Variants in PHTF2 observed in about 807,000 individuals in gnomAD.
PHTF2 encodes the protein putative homeodomain transcription factor 2.
In PHTF2, 60 loss-of-function variants were observed where a neutral mutation model predicts 101.2. The ratio of observed to expected loss-of-function variants is 0.59; its 90% CI spans 0.48 to 0.73. PHTF2 has a LOEUF of 0.73. PHTF2 is among the 30% of genes least tolerant of loss of function. PHTF2 has a pLI of 0.00. For synonymous variants in PHTF2, 311 were observed against 307.3 expected, an observed-to-expected ratio of 1.01 and a Z score of -0.13; for missense variants, 747 against 908.7, an observed-to-expected ratio of 0.82 and a Z score of 2.29.
At chr7:77,935,936 C>T (rs1805086779) in intron 12 of PHTF2, among the ~76,000 whole-genome samples, 1 of 152,134 alleles carries the variant, frequency 6.6e-6, no homozygotes, top group Admixed American at 6.5e-5. Flanking sequence ...TATTTTGGTA[C>T]AGATTATTTC....
At chr7:77,954,367 C>T (rs1205380093) in intron 19 of PHTF2, among the ~76,000 whole-genome samples, 1 of 152,082 alleles carries the variant, frequency 6.6e-6, no homozygotes, top group Non-Finnish European at 1.5e-5. Context: ...CTCCTGACCT[C>T]AAGTGATACA....
intron 11 of PHTF2, 151 bp downstream of exon 10, chr7:77,922,929 G>A: frequency 7.4e-7 from 1 of 1,349,298 alleles, no homozygotes; most frequent in South Asian, 1.9e-5. Context: ...TTATAAAATA[G>A]CAGTTTTAGG....
At chr7:77,906,445 A>G (rs1027691445) in intron 7 of PHTF2, 1 of 152,166 alleles carries the variant, frequency 6.6e-6, no homozygotes, top group Admixed American at 6.5e-5. Flanking sequence ...AAAAGAGAGG[A>G]AGAAAGTGGC....
chr7:77,858,208 C>T (rs1054205478), intron 3 of PHTF2, among the ~76,000 whole-genome samples: 1 of 152,150 alleles, frequency 6.6e-6, no homozygotes, highest in Non-Finnish European at 1.5e-5. Context: ...GTAACATTTG[C>T]CTTTTCACTT....
intron 16 of PHTF2, among the ~76,000 whole-genome samples, chr7:77,945,592 A>G (rs1289621198): frequency 6.6e-6 from 1 of 152,220 alleles, no homozygotes; most frequent in Non-Finnish European, 1.5e-5. Context: ...TTGGAGATTT[A>G]AAACCATACA....
intron 12 of PHTF2, among the ~76,000 whole-genome samples, chr7:77,932,607 AGAGAGAGAGAGAGAGT>A (rs1804689491): frequency 2.2e-4 from 19 of 85,950 alleles, no homozygotes; most frequent in South Asian, 1.5e-3. Flanking sequence ...AGAGAAAGAG[AGAGAGAGAGAGAGAGT>A]GTGTGTGTGT....
intron 1 of PHTF2, among the ~76,000 whole-genome samples, chr7:77,834,515 G>T (rs906919143): frequency 6.6e-6 from 1 of 152,120 alleles, no homozygotes; most frequent in African/African-American, 2.4e-5. Context: ...CCCCAGGCTT[G>T]GGTGTAGGGG....
At chr7:77,876,737 A>G (rs1302256989) in intron 3 of PHTF2, among the ~76,000 whole-genome samples, 2 of 152,140 alleles carry the variant, frequency 1.3e-5, no homozygotes, top group East Asian at 1.9e-4. Context: ...TACAAAATAA[A>G]TAAAATAAAA....
chr7:77,872,398 T>G (rs1272783743), intron 3 of PHTF2, among the ~76,000 whole-genome samples: 1 of 152,180 alleles, frequency 6.6e-6, no homozygotes, highest in Non-Finnish European at 1.5e-5. Context: ...TTGTATAAAC[T>G]AAGTAGGAAT....
At chr7:77,913,606 CAA>C (rs1329228577) in intron 9 of PHTF2, among the ~76,000 whole-genome samples, 1 of 152,020 alleles carries the variant, frequency 6.6e-6, no homozygotes, top group African/African-American at 2.4e-5. Flanking sequence ...TTCACCGTGA[CAA>C]TATCACTGAA....
In PHTF2 at chr7:77,862,803, G is replaced by A. The variant is rs988115190; in HGVS notation, c.147+7969G>A. ...TTTAACCATAGCAACAGACATGATG[G>A]TGAAATAAAGTAGTAGATTACTGTT... On this transcript the variant is annotated intron_variant, in intron 3 of 19. Coordinates refer to ENST00000416283, the Ensembl canonical transcript of PHTF2. Among the ~76,000 whole-genome samples, 5 of 152,170 alleles carry A rather than the reference G, an allele frequency of 3.3e-5. No individual in the cohort carries two copies. In the East Asian group the frequency reaches 5.8e-4, roughly 18 times the overall value.
intron 1 of PHTF2, among the ~76,000 whole-genome samples, chr7:77,803,575 G>A (rs1372425128): frequency 1.3e-5 from 2 of 152,048 alleles, no homozygotes; most frequent in Admixed American, 1.3e-4. Context: ...TACCTACTTT[G>A]CGAGATTTTA....
Position 77,926,063 on chromosome 7 carries a change from A to T in PHTF2, c.1120-3046A>T, listed in dbSNP as rs533444970. Reference sequence around the variant, plus strand: ...AGTGAGACTCCATCTCAAAAAAAAAACAAAAACAAAAACCCACTTACTAAT... The same window carrying T: ...AGTGAGACTCCATCTCAAAAAAAAATCAAAAACAAAAACCCACTTACTAAT... On this transcript the variant is annotated intron_variant, in intron 11 of 19. Transcript: ENST00000416283. 4.7e-3 allele frequency among the ~76,000 whole-genome samples: 708 copies of T among 152,040 alleles called. 9 individuals are homozygous for T. Among genetic ancestry groups the T allele is most frequent in the African/African-American group, 0.016 (665 of 41,454 alleles).
chr7:77,908,813 T>C, exon 8 of PHTF2: 1 of 1,605,374 alleles, frequency 6.2e-7, no homozygotes, highest in Non-Finnish European at 8.5e-7. Context: ...AGTATTATTC[T>C]GCTCCACTTC....
At chr7:77,872,164 A>G (rs1411668289) in intron 3 of PHTF2, among the ~76,000 whole-genome samples, 1 of 152,160 alleles carries the variant, frequency 6.6e-6, no homozygotes, top group Admixed American at 6.5e-5. Flanking sequence ...TGCTGAGCCC[A>G]TGCGTAACCT....
intron 16 of PHTF2, among the ~76,000 whole-genome samples, chr7:77,943,710 ATTC>A (rs1394233763): frequency 6.6e-6 from 1 of 152,168 alleles, no homozygotes; most frequent in African/African-American, 2.4e-5. Context: ...TTATCTGAAA[ATTC>A]TTCTACTTTA....
intron 3 of PHTF2, among the ~76,000 whole-genome samples, chr7:77,862,031 TG>T (rs1027153778): frequency 7.0e-6 from 1 of 143,178 alleles, no homozygotes; most frequent in Non-Finnish European, 1.5e-5. Context: ...CACTCCAGCC[TG>T]GGCAACAAGA....
At chr7:77,944,008 C>G (rs930962013) in intron 16 of PHTF2, among the ~76,000 whole-genome samples, 4 of 151,446 alleles carry the variant, frequency 2.6e-5, no homozygotes, top group Admixed American at 2.6e-4. Context: ...TCTCCAAAAA[C>G]AAACAAATAA....
intron 1 of PHTF2, among the ~76,000 whole-genome samples, chr7:77,800,001 A>AT (rs887993022): frequency 9.7e-5 from 14 of 144,446 alleles, no homozygotes; most frequent in South Asian, 2.2e-4. Flanking sequence ...CGTTTCTTTC[A>AT]TTTTTTTTTT....
Sources: allele counts gnomAD v4.1 joint callset (sites outside exome capture counted in the v4.1 genomes callset), GRCh38; gene constraint gnomAD v4.1.1; transcripts MANE v1.5; gene names NCBI Gene and HGNC (gene_info 2026-07-23, HGNC 2026-07-21).